The following PFKFB3 variants were observed in gnomAD, a reference collection of about 807,000 sequenced individuals.
The protein encoded by PFKFB3 is 6-phosphofructo-2-kinase/fructose-2,6-bisphosphatase 3.
Under a neutral mutation model 68.0 loss-of-function variants are expected in PFKFB3, and 33 were observed. That is an observed-to-expected ratio of 0.49 (90% confidence interval 0.37 to 0.65). The LOEUF (loss-of-function observed/expected upper bound fraction) is 0.65, where lower values mean the gene tolerates loss of function less well. Among genes scored for constraint, PFKFB3 ranks in the 30% least tolerant of loss-of-function variants. PFKFB3 has a pLI of 0.00. For synonymous variants in PFKFB3, 315 were observed against 288.2 expected (o/e 1.09, Z -0.94); for missense variants, 586 against 712.2 (o/e 0.82, Z 2.02).
At chr10:6,260,330 C>A in the PFKFB3 span, among the ~76,000 whole-genome samples, 1 of 147,178 alleles carries the variant, frequency 6.8e-6, no homozygotes, top group Non-Finnish European at 1.5e-5. Flanking sequence ...AGGAGAATGG[C>A]ATGAACCCGG....
intron 14 of PFKFB3, among the ~76,000 whole-genome samples, chr10:6,247,344 A>G (rs1846282306): frequency 6.6e-6 from 1 of 152,188 alleles, no homozygotes; most frequent in Admixed American, 6.5e-5. Context: ...GCCTGATTTA[A>G]TTGTTGAACA....
At chr10:6,218,472 A>C (rs899654834) in intron 6 of PFKFB3, among the ~76,000 whole-genome samples, 6 of 151,340 alleles carry the variant, frequency 4.0e-5, no homozygotes, top group African/African-American at 1.2e-4. Context: ...TCTGTTGCCC[A>C]GGCTGGAATG....
At chr10:6,199,462 A>G (rs1444984731), upstream of PFKFB3, among the ~76,000 whole-genome samples, 1 of 149,772 alleles carries the variant, frequency 6.7e-6, no homozygotes, top group Non-Finnish European at 1.5e-5. Context: ...CAGCTATGTG[A>G]GCACCTCACC....
the PFKFB3 span, chr10:6,277,618 C>A: frequency 4.4e-6 from 1 of 227,344 alleles, no homozygotes; most frequent in Non-Finnish European, 9.4e-6. Flanking sequence ...GTGGCATATC[C>A]CTGCCCCCGC....
chr10:6,317,738 G>A, the PFKFB3 span, among the ~76,000 whole-genome samples: 1 of 152,296 alleles, frequency 6.6e-6, no homozygotes, highest in African/African-American at 2.4e-5. Context: ...GAATGATGAT[G>A]TGTCCCTGTG....
At chr10:6,263,326 C>T in the PFKFB3 span, among the ~76,000 whole-genome samples, 1 of 152,248 alleles carries the variant, frequency 6.6e-6, no homozygotes, top group Admixed American at 6.5e-5. Context: ...TTTTCCCGCC[C>T]TGGGTGGGCC....
the PFKFB3 span, among the ~76,000 whole-genome samples, chr10:6,325,088 C>T: frequency 2.5e-3 from 378 of 152,134 alleles, 3 homozygotes; most frequent in East Asian, 0.03. Flanking sequence ...CTCAGCCTCC[C>T]GAGTAGCTGG....
At chr10:6,250,413 CA>C (rs898579015) in intron 14 of PFKFB3, among the ~76,000 whole-genome samples, 1 of 151,454 alleles carries the variant, frequency 6.6e-6, no homozygotes, top group East Asian at 1.9e-4. Flanking sequence ...ACTAAAAATA[CA>C]AAAAAAATTA....
chr10:6,298,266 C>A, the PFKFB3 span, among the ~76,000 whole-genome samples: 46 of 152,072 alleles, frequency 3.0e-4, no homozygotes, highest in South Asian at 7.3e-3. Context: ...AGGGTAACCT[C>A]GGATTACCCT....
intron 1 of PFKFB3, chr10:6,152,319 G>A (rs145693783): frequency 5.2e-5 from 8 of 152,506 alleles, no homozygotes; most frequent in African/African-American, 9.6e-5. Context: ...CAGGTCCTGC[G>A]GCAAGTTCTA....
intron 1 of PFKFB3, among the ~76,000 whole-genome samples, chr10:6,165,404 C>T (rs686208): frequency 0.99 from 150,441 of 152,324 alleles, 74,323 homozygotes; most frequent in Middle Eastern, 1. Flanking sequence ...GAGTTTCTTG[C>T]GTCTTCCTTT....
At chr10:6,302,372 T>G in the PFKFB3 span, among the ~76,000 whole-genome samples, 776 of 72,792 alleles carry the variant, frequency 0.011, 91 homozygotes, top group East Asian at 0.033. Context: ...GTTTTTTTTT[T>G]TTTTTTTTTT....
chr10:6,317,836 G>A, the PFKFB3 span, among the ~76,000 whole-genome samples: 1 of 152,204 alleles, frequency 6.6e-6, no homozygotes, highest in Non-Finnish European at 1.5e-5. Flanking sequence ...TCTGGGACCT[G>A]CGGGAGGGGC....
downstream of PFKFB3, among the ~76,000 whole-genome samples, chr10:6,239,370 A>G (rs1390700196): frequency 6.6e-6 from 1 of 152,188 alleles, no homozygotes; most frequent in Non-Finnish European, 1.5e-5. Flanking sequence ...AGACTCGCAG[A>G]TGAGTCACAT....
intron 1 of PFKFB3, chr10:6,146,148 G>A (rs935393578): frequency 1.2e-6 from 1 of 835,978 alleles, no homozygotes; most frequent in Non-Finnish European, 1.4e-6. Flanking sequence ...GTGTGTGGGG[G>A]GAGCCTGGCC....
At chr10:6,295,348 A>G in the PFKFB3 span, among the ~76,000 whole-genome samples, 1 of 151,924 alleles carries the variant, frequency 6.6e-6, no homozygotes, top group Non-Finnish European at 1.5e-5. Flanking sequence ...CAGCCTCCCA[A>G]GTAGCTGGGA....
At chr10:6,236,401 C>T (rs191933138), downstream of PFKFB3, among the ~76,000 whole-genome samples, 204 of 152,340 alleles carry the variant, frequency 1.3e-3, no homozygotes, top group African/African-American at 4.4e-3. Flanking sequence ...AGCTGGTATG[C>T]GTGACCAGCG....
In PFKFB3 at chr10:6,228,064, C is replaced by G; in HGVS notation, c.1515+1699C>G. On this transcript the variant is annotated intron_variant, in intron 14 of 14. Coordinates refer to ENST00000379775, the MANE Select transcript of PFKFB3 (RefSeq NM_004566.4). This position sits in a 1 kb window ranked among gnomAD's most constrained non-coding sequence, Gnocchi z 4.5. Reference sequence around the variant, plus strand: ...CTGCCCCTGGCGTTGGGAGGACAGTCCTTCAGGGTGGCCAGGTTCTTAGGG... The same window carrying G: ...CTGCCCCTGGCGTTGGGAGGACAGTGCTTCAGGGTGGCCAGGTTCTTAGGG... 1 of 896,316 alleles carries G rather than the reference C, an allele frequency of 1.1e-6. No homozygotes were observed. The allele number at this position is 896,316 out of a possible 1,614,324, so 55.5% of individuals were successfully genotyped here.
At chr10:6,247,162 T>G (rs1394088025) in intron 14 of PFKFB3, among the ~76,000 whole-genome samples, 1 of 152,194 alleles carries the variant, frequency 6.6e-6, no homozygotes, top group Non-Finnish European at 1.5e-5. Context: ...CACCTCCTGG[T>G]ATTTGGATGT....
Sources: gnomAD v4.1 joint callset for allele counts (sites outside exome capture counted in the v4.1 genomes callset) on GRCh38, gnomAD v4.1.1 for gene constraint, Gnocchi (gnomAD v3.1) non-coding constraint, MANE v1.5 for transcripts, NCBI Gene and HGNC (gene_info 2026-07-23, HGNC 2026-07-21) for gene names.